TTLL9: variants seen among roughly 807,000 people sequenced by gnomAD.
TTLL9 encodes the protein tubulin tyrosine ligase like 9.
Under a neutral mutation model 65.6 loss-of-function variants are expected in TTLL9, and 47 were observed. The ratio of observed to expected loss-of-function variants is 0.72; its 90% CI spans 0.57 to 0.91. TTLL9 has a LOEUF of 0.91. Among genes scored for constraint, TTLL9 ranks in the 40% least tolerant of loss-of-function variants. TTLL9 has a pLI of 0.00. For missense variants in TTLL9, 537 were observed against 568.8 expected, an observed-to-expected ratio of 0.94 and a Z score of 0.57; for synonymous variants, 179 against 204.8, an observed-to-expected ratio of 0.87 and a Z score of 1.07.
At chr20:31,924,876 C>T in intron 8 of TTLL9, 133 bp from the exon 9 acceptor site, 3 of 982,880 alleles carry the variant, frequency 3.1e-6, no homozygotes, top group South Asian at 2.8e-5. Flanking sequence ...CGCGCCTAGC[C>T]CCTTGTGTAG....
chr20:31,893,108 G>A (rs1226700192), intron 3 of TTLL9, among the ~76,000 whole-genome samples: 1 of 151,748 alleles, frequency 6.6e-6, no homozygotes, highest in Non-Finnish European at 1.5e-5. Context: ...GGATCTGTTG[G>A]CAATAAATTC....
At position 31,944,410 on chromosome 20, in the gene TTLL9, A is replaced by T. The variant is rs1459255097; in HGVS notation, c.*1389A>T. 6.5e-6 allele frequency: 1 copy of T among 154,048 alleles called. No homozygotes were observed. The highest frequency in any genetic ancestry group is 6.4e-5 in the Admixed American group (1 of 15,712). 9.5% of individuals were successfully genotyped at this position (154,048 alleles called of 1,614,324 possible). A position where few individuals can be genotyped will look rare whatever the true frequency, so the allele number is the denominator to read the frequency against. On this transcript the variant is annotated 3_prime_UTR_variant, in exon 15 of 15. Transcript: ENST00000535842. ...AATATATTCATACGGTTTAAAATCC[A>T]AAGTTTACAAAAGGGTATAGGGTGA...
At chr20:31,938,250 C>T (rs1325986159) in intron 13 of TTLL9, 1 of 456,496 alleles carries the variant, frequency 2.2e-6, no homozygotes, top group Non-Finnish European at 4.4e-6. Context: ...CTCACTGTGA[C>T]TCTGCTTGAC....
In TTLL9 at chr20:31,943,634, T is replaced by C. The variant is rs562745335; in HGVS notation, c.*613T>C. ...AGCCCATGGGGCTCCCTGACCATCA[T>C]CTGAAAACCAGTGGGACAGGGCATC... On this transcript the variant is annotated 3_prime_UTR_variant, in exon 15 of 15. Coordinates refer to ENST00000535842, the MANE Select transcript of TTLL9 (RefSeq NM_001008409.5). 8.2e-5 allele frequency: 35 copies of C among 427,808 alleles called. No homozygotes were observed. Among genetic ancestry groups the C allele is most frequent in the African/African-American group, 6.9e-4 (34 of 48,922 alleles). 26.5% of individuals were successfully genotyped at this position (427,808 alleles called of 1,614,324 possible).
chr20:31,934,524 G>A (rs2064075301), intron 11 of TTLL9, 168 bp from the exon 12 acceptor site: 4 of 668,202 alleles, frequency 6.0e-6, no homozygotes, highest in Non-Finnish European at 1.1e-5. Flanking sequence ...AAGAATTTTT[G>A]CCCCTCAAAG....
chr20:31,891,458 G>T (rs2063306342), intron 3 of TTLL9, among the ~76,000 whole-genome samples: 1 of 150,606 alleles, frequency 6.6e-6, no homozygotes, highest in South Asian at 2.1e-4. Flanking sequence ...AGTTCATGTT[G>T]TCTCCTCTAT....
At chr20:31,873,419 C>T (rs143582115) in intron 2 of TTLL9, among the ~76,000 whole-genome samples, 6,319 of 152,062 alleles carry the variant, frequency 0.042, 176 homozygotes, top group South Asian at 0.063. Context: ...GAGGCTGAAG[C>T]GGGAACATCG....
intron 6 of TTLL9, among the ~76,000 whole-genome samples, chr20:31,912,270 G>A (rs2063665793): frequency 1.3e-5 from 2 of 152,136 alleles, no homozygotes; most frequent in African/African-American, 2.4e-5. Flanking sequence ...CAGTGCCCGT[G>A]CAGCATCCAG....
chr20:31,931,801 A>G (rs368744116), intron 10 of TTLL9, among the ~76,000 whole-genome samples: 1 of 152,246 alleles, frequency 6.6e-6, no homozygotes, highest in African/African-American at 2.4e-5. Flanking sequence ...TATTAGATAC[A>G]TTATTTACAA....
chr20:31,894,799 TA>T (rs2063359338), intron 3 of TTLL9, among the ~76,000 whole-genome samples: 2 of 152,070 alleles, frequency 1.3e-5, no homozygotes. Flanking sequence ...CTAGCAGGTT[TA>T]GGGGCTGATC....
chr20:31,871,361 C>G (rs2062929308), intron 2 of TTLL9, among the ~76,000 whole-genome samples, 166 bp downstream of exon 2: 1 of 152,156 alleles, frequency 6.6e-6, no homozygotes, highest in African/African-American at 2.4e-5. Context: ...TCCCCGTGAC[C>G]CCCAGCTAAC....
intron 6 of TTLL9, 69 bp from the exon 7 acceptor site, chr20:31,919,795 C>T (rs2063788319): frequency 3.0e-6 from 4 of 1,345,196 alleles, no homozygotes; most frequent in African/African-American, 1.5e-5. Context: ...GGGAGAGCCC[C>T]CAGCCACGGG....
At chr20:31,925,085 G>T (rs769667481) in intron 9 of TTLL9, 36 bp downstream of exon 9, 9 of 1,612,710 alleles carry the variant, frequency 5.6e-6, no homozygotes, top group Non-Finnish European at 7.6e-6. Flanking sequence ...CTCCAGCAGG[G>T]GTTAAAGGGT....
intron 10 of TTLL9, among the ~76,000 whole-genome samples, chr20:31,927,619 G>A (rs2063930822): frequency 6.6e-6 from 1 of 152,124 alleles, no homozygotes; most frequent in Admixed American, 6.5e-5. Context: ...CCATGTGAAT[G>A]TATTATCTGG....
At chr20:31,898,664 C>A in intron 4 of TTLL9, 99 bp downstream of exon 4, 1 of 997,832 alleles carries the variant, frequency 1.0e-6, no homozygotes, top group Non-Finnish European at 1.5e-6. Flanking sequence ...GCCACTGGGA[C>A]TTGTCCCAAA....
intron 7 of TTLL9, among the ~76,000 whole-genome samples, chr20:31,922,264 C>CA (rs35848180): frequency 0.025 from 3,323 of 131,872 alleles, 44 homozygotes; most frequent in African/African-American, 0.043. Flanking sequence ...GACTCATTCT[C>CA]AAAAAAAAAA....
chr20:31,908,821 T>A, intron 5 of TTLL9, 119 bp downstream of exon 5: 2 of 822,598 alleles, frequency 2.4e-6, no homozygotes, highest in East Asian at 5.4e-5. Context: ...CAACGCCGAG[T>A]GGGAAGTCTG....
intron 2 of TTLL9, among the ~76,000 whole-genome samples, chr20:31,873,484 A>T (rs2062967917): frequency 6.6e-6 from 1 of 151,840 alleles, no homozygotes; most frequent in Non-Finnish European, 1.5e-5. Flanking sequence ...TTTCGTCTCT[A>T]CAAACAAACA....
rs2063592194 is a variant in TTLL9 at position 31,908,375 on chromosome 20, A to G, written c.207-216A>G. Among the ~76,000 whole-genome samples, 7 of 152,140 alleles carry G rather than the reference A, an allele frequency of 4.6e-5. No individual in the cohort carries two copies. In the South Asian group the frequency reaches 1.4e-3, roughly 31 times the overall value. ...CTCAGTGATAGCTCAAGGGAAGCCA[A>G]CCACCTGGATTTTTGTGGGAACATT... On this transcript the variant is annotated intron_variant, in intron 4 of 14. Transcript: ENST00000535842.
Sources: gnomAD v4.1 joint callset for allele counts (sites outside exome capture counted in the v4.1 genomes callset) on GRCh38, gnomAD v4.1.1 for gene constraint, MANE v1.5 for transcripts, NCBI Gene and HGNC (gene_info 2026-07-23, HGNC 2026-07-21) for gene names.